Variants in STK32B observed in about 807,000 individuals in gnomAD.
STK32B encodes serine/threonine-protein kinase 32B.
STK32B carries 43 observed loss-of-function variants against 52.6 expected under a neutral mutation model. The observed-to-expected ratio is 0.82, with a 90% CI of 0.64 to 1.05. The LOEUF is 1.05. STK32B is among the 50% of genes least tolerant of loss of function. The probability of loss-of-function intolerance (pLI) is 0.00; values close to 1 mark genes in which losing one functional copy is unlikely to be tolerated. For synonymous variants in STK32B, 238 were observed against 204.3 expected, an observed-to-expected ratio of 1.17 and a Z score of -1.41; for missense variants, 621 against 534.6, an observed-to-expected ratio of 1.16 and a Z score of -1.59.
rs528458016 is a variant in STK32B, at chr4:5,319,034, G to T, written c.261-12186G>T. ...TTTGCGAGGATGGTCTCGATCTCCT[G>T]ACCTTGTGATCCACCCGCCTTGGCC... On this transcript the variant is annotated intron_variant, in intron 3 of 11. Coordinates refer to ENST00000282908, the MANE Select transcript of STK32B (RefSeq NM_018401.3). 5.3e-5 allele frequency among the ~76,000 whole-genome samples: 8 copies of T among 152,166 alleles called. No individual in the cohort carries two copies. In the South Asian group the frequency reaches 1.7e-3, roughly 32 times the overall value.
rs371323013 is a variant in STK32B, at chr4:5,398,846, G to GTCCAGAGTCTGCAAAC, written c.472+602_472+603insTCCAGAGTCTGCAAAC. 1.3e-5 allele frequency among the ~76,000 whole-genome samples: 2 copies of GTCCAGAGTCTGCAAAC among 152,146 alleles called. No homozygotes were observed. Among genetic ancestry groups the GTCCAGAGTCTGCAAAC allele is most frequent in the African/African-American group, 4.8e-5 (2 of 41,372 alleles). ...CTCTGCAAAGTCCAGAGTCTGCAAA[G>GTCCAGAGTCTGCAAAC]CTCCCAGGTGGCTGATGCTGCTGGT... is the stretch of plus-strand genomic sequence containing the variant. On this transcript the variant is annotated intron_variant, in intron 5 of 11. Transcript: ENST00000282908. The surrounding 1 kb of genome is among the most constrained non-coding windows in gnomAD (Gnocchi z 4.9).
chr4:5,190,073 C>G (rs1469492054), intron 3 of STK32B, among the ~76,000 whole-genome samples: 1 of 152,088 alleles, frequency 6.6e-6, no homozygotes, highest in African/African-American at 2.4e-5. Context: ...TCACACCGAC[C>G]CACACTGAAC....
At chr4:5,244,987 T>G (rs1458825455) in intron 3 of STK32B, among the ~76,000 whole-genome samples, 1 of 152,198 alleles carries the variant, frequency 6.6e-6, no homozygotes, top group Non-Finnish European at 1.5e-5. Flanking sequence ...GAGGAGTGCT[T>G]TACTTCCAAC....
intron 9 of STK32B, among the ~76,000 whole-genome samples, chr4:5,461,406 C>T (rs929354242): frequency 6.6e-5 from 10 of 152,146 alleles, no homozygotes; most frequent in Admixed American, 3.3e-4. Flanking sequence ...TAAAGACTTC[C>T]GTCACTCCTT....
chr4:5,388,070 C>A (rs1365628291), intron 4 of STK32B, among the ~76,000 whole-genome samples: 1 of 152,150 alleles, frequency 6.6e-6, no homozygotes, highest in East Asian at 1.9e-4. Context: ...TAACTATGAC[C>A]ATGGAGAAGT....
chr4:5,491,599 A>T (rs1719739139), intron 11 of STK32B, among the ~76,000 whole-genome samples: 1 of 151,742 alleles, frequency 6.6e-6, no homozygotes, highest in Non-Finnish European at 1.5e-5. Flanking sequence ...CCCATTTGTC[A>T]ATTTTGGCTT....
At chr4:5,188,725 C>G (rs1720938943) in intron 3 of STK32B, among the ~76,000 whole-genome samples, 1 of 151,896 alleles carries the variant, frequency 6.6e-6, no homozygotes, top group Non-Finnish European at 1.5e-5. Flanking sequence ...CTTTCTCCCC[C>G]TACACACAAC....
intron 6 of STK32B, among the ~76,000 whole-genome samples, chr4:5,434,751 C>T (rs1048710437): frequency 9.2e-5 from 14 of 152,140 alleles, no homozygotes; most frequent in African/African-American, 3.4e-4. Context: ...CAGTCCCTAG[C>T]ATCTAGAAGT....
intron 1 of STK32B, 101 bp downstream of exon 1, chr4:5,052,016 G>A (rs1741808007): frequency 1.3e-6 from 2 of 1,516,330 alleles, no homozygotes; most frequent in Admixed American, 2.0e-5. Flanking sequence ...CCCGGCGCGG[G>A]GACCCAGGCA....
At chr4:5,246,012 C>T (rs1351724111) in intron 3 of STK32B, among the ~76,000 whole-genome samples, 1 of 152,148 alleles carries the variant, frequency 6.6e-6, no homozygotes, top group East Asian at 1.9e-4. Context: ...AACACTTTTT[C>T]CTTCATTTCA....
chr4:5,185,690 A>G (rs1720687787), intron 3 of STK32B, among the ~76,000 whole-genome samples: 1 of 152,104 alleles, frequency 6.6e-6, no homozygotes, highest in Non-Finnish European at 1.5e-5. Flanking sequence ...GCTCCTAACT[A>G]CTGTTTCAAT....
At chr4:5,248,722 T>G (rs140165506) in intron 3 of STK32B, among the ~76,000 whole-genome samples, 9,208 of 152,200 alleles carry the variant, frequency 0.06, 417 homozygotes, top group African/African-American at 0.13. Flanking sequence ...GTGGCACATA[T>G]ACACCGTGGA....
In STK32B at chr4:5,398,141, G is replaced by C; in HGVS notation, c.435-66G>C. On this transcript the variant is annotated intron_variant, in intron 4 of 11. Transcript: ENST00000282908. This position sits in a 1 kb window ranked among gnomAD's most constrained non-coding sequence, Gnocchi z 4.9. ...GTTCCAGCATTTGTCCTGATGTGGT[G>C]CTTGTCTATGTGCTCATCTGTGGGC... 1 of 1,586,988 alleles carries C rather than the reference G, an allele frequency of 6.3e-7. No individual in the cohort carries two copies. The highest frequency in any genetic ancestry group is 1.3e-5 in the African/African-American group (1 of 74,414).
chr4:5,274,388 G>A (rs1188522047), intron 3 of STK32B, among the ~76,000 whole-genome samples: 2 of 152,100 alleles, frequency 1.3e-5, no homozygotes. Context: ...TTAATGGTGG[G>A]GGGTAGGGTG....
At chr4:5,358,311 A>G (rs1734310052) in intron 4 of STK32B, among the ~76,000 whole-genome samples, 1 of 152,236 alleles carries the variant, frequency 6.6e-6, no homozygotes, top group Admixed American at 6.5e-5. Flanking sequence ...AATCTTTAAA[A>G]GGATCCAATA....
At chr4:5,319,832 CA>C (rs1263405264) in intron 3 of STK32B, among the ~76,000 whole-genome samples, 2 of 152,152 alleles carry the variant, frequency 1.3e-5, no homozygotes, top group Admixed American at 1.3e-4. Flanking sequence ...CCCAAAGTCA[CA>C]GGGAGAACTG....
intron 5 of STK32B, among the ~76,000 whole-genome samples, chr4:5,408,882 ATTC>A (rs1274522978): frequency 2.0e-5 from 3 of 152,134 alleles, no homozygotes; most frequent in Non-Finnish European, 4.4e-5. Context: ...GCAGCTGCCT[ATTC>A]TTAGTTCATT....
At chr4:5,240,662 G>C (rs1724961321) in intron 3 of STK32B, among the ~76,000 whole-genome samples, 1 of 152,116 alleles carries the variant, frequency 6.6e-6, no homozygotes, top group South Asian at 2.1e-4. Context: ...GTTTCACCAT[G>C]TTGGCCAGGC....
Position 5,416,837 on chromosome 4 carries a change from A to G in STK32B, c.473-8A>G, listed in dbSNP as rs1462374217. On this transcript the variant is annotated splice_region_variant and splice_polypyrimidine_tract_variant and intron_variant, in intron 5 of 11. Transcript: ENST00000282908. The stretch of plus-strand genomic sequence containing the variant: ...CGCTAACTGGAGTTTCTGTTTCTGT[A>G]TTTGCAGGACATGTTCACATTACAG... 6.2e-7 allele frequency: 1 copy of G among 1,612,756 alleles called. No homozygotes were observed. The highest frequency in any genetic ancestry group is 8.5e-7 in the Non-Finnish European group (1 of 1,179,516).
Sources: allele counts gnomAD v4.1 joint callset (sites outside exome capture counted in the v4.1 genomes callset), GRCh38; gene constraint gnomAD v4.1.1; non-coding constraint Gnocchi (gnomAD v3.1); transcripts MANE v1.5; gene names NCBI Gene and HGNC (gene_info 2026-07-23, HGNC 2026-07-21).